Variants in POMT2 observed in about 807,000 individuals in gnomAD.
POMT2 encodes the protein protein O-mannosyltransferase 2.
POMT2 carries 75 observed loss-of-function variants against 100.0 expected under a neutral mutation model. The observed-to-expected ratio is 0.75, with a 90% CI of 0.62 to 0.91. POMT2 has a LOEUF of 0.91. Among genes scored for constraint, POMT2 ranks in the 40% least tolerant of loss-of-function variants. The pLI, the probability that POMT2 is intolerant of heterozygous loss-of-function variation, is 0.00. For synonymous variants in POMT2, 378 were observed against 374.1 expected (o/e 1.01, Z -0.12); for missense variants, 940 against 955.1 (o/e 0.98, Z 0.21).
At chr14:77,280,557 G>A (rs1013512861) in intron 15 of POMT2, 94 bp from the exon 16 acceptor site, 81 of 1,592,182 alleles carry the variant, frequency 5.1e-5, no homozygotes, top group East Asian at 2.2e-4. Context: ...AGGGCCAAGC[G>A]CCGAGCAGAA....
intron 11 of POMT2, chr14:77,287,654 G>A (rs1430832745): frequency 3.3e-5 from 5 of 151,422 alleles, no homozygotes; most frequent in Non-Finnish European, 4.4e-5. Context: ...GCTGTCTGTC[G>A]TTTCAGCTTG....
chr14:77,300,530 T>C lies in POMT2; in HGVS notation c.816+560A>G, dbSNP rs148113474. 639 of 161,168 alleles carry C rather than the reference T, an allele frequency of 4.0e-3. 1 individual carries two copies. Among genetic ancestry groups the C allele is most frequent in the African/African-American group, 9.6e-3 (401 of 41,582 alleles). The allele number at this position is 161,168 out of a possible 1,614,324, so 10.0% of individuals were successfully genotyped here. A position where few individuals can be genotyped will look rare whatever the true frequency, so the allele number is the denominator to read the frequency against. The stretch of plus-strand genomic sequence containing the variant: ...ACCGTGGGTCAGGAAATGAAAATTG[T>C]GAGTTCAGACCGGGCTCGGTGGCTC... On this transcript the variant is annotated intron_variant, in intron 6 of 20. Coordinates refer to ENST00000261534, the MANE Select transcript of POMT2 (RefSeq NM_013382.7).
chr14:77,281,801 C>G (rs764197463), intron 15 of POMT2, among the ~76,000 whole-genome samples: 2 of 152,180 alleles, frequency 1.3e-5, no homozygotes, highest in African/African-American at 4.8e-5. Flanking sequence ...CTCAGTTTCC[C>G]AGCCAAAAAT....
At position 77,299,339 on chromosome 14, in the gene POMT2, C is replaced by T. The variant is rs148873105; in HGVS notation, c.923+116G>A. On this transcript the variant is annotated intron_variant, in intron 7 of 20. Coordinates refer to ENST00000261534, the MANE Select transcript of POMT2 (RefSeq NM_013382.7). ...GCAGGAAAGAAACAGGAAAAAGCCC[C>T]TGGGGTCCCTCACCTATCATTTTAA... 4.9e-4 allele frequency: 441 copies of T among 908,114 alleles called. 2 individuals are homozygous for T. In the African/African-American group the frequency reaches 6.3e-3, roughly 13 times the overall value. The allele number at this position is 908,114 out of a possible 1,614,324, so 56.3% of individuals were successfully genotyped here.
chr14:77,288,464 A>C (rs1890518456), intron 11 of POMT2, among the ~76,000 whole-genome samples: 1 of 151,940 alleles, frequency 6.6e-6, no homozygotes, highest in Non-Finnish European at 1.5e-5. Flanking sequence ...TGAGCCCAGG[A>C]CTCTGAGGCC....
chr14:77,291,564 G>A, intron 9 of POMT2, 184 bp from the exon 10 acceptor site: 1 of 726,194 alleles, frequency 1.4e-6, no homozygotes, highest in Non-Finnish European at 2.3e-6. Context: ...TGGTGAGTGA[G>A]ATTCTCTCCT....
chr14:77,304,806 G>T lies in POMT2; in HGVS notation c.439-6C>A. The T allele has an allele frequency of 6.3e-7, 1 of 1,580,250 alleles. No homozygotes were observed. The highest frequency in any genetic ancestry group is 2.3e-5 in the East Asian group (1 of 43,890). ...GAGCCAAGGAATGCACAGAACTGTG[G>T]GAGGAATAGAGAAGCTGTCAAATAA... On this transcript the variant is annotated splice_polypyrimidine_tract_variant and splice_region_variant and intron_variant, in intron 3 of 20. Transcript: ENST00000261534.
chr14:77,314,283 G>A (rs1324712681), intron 1 of POMT2, among the ~76,000 whole-genome samples: 3 of 152,192 alleles, frequency 2.0e-5, no homozygotes, highest in Admixed American at 2.0e-4. Flanking sequence ...TGTGATGCAA[G>A]CTACTGCATG....
chr14:77,286,425 T>C (rs958016646), intron 12 of POMT2, among the ~76,000 whole-genome samples: 1 of 152,224 alleles, frequency 6.6e-6, no homozygotes, highest in African/African-American at 2.4e-5. Context: ...TGGGGTCATA[T>C]TGTGGGTCCT....
At chr14:77,285,675 A>G in intron 12 of POMT2, 43 bp from the exon 13 acceptor site, 2 of 1,585,580 alleles carry the variant, frequency 1.3e-6, no homozygotes, top group Non-Finnish European at 1.7e-6. Flanking sequence ...AAGTGAGGGG[A>G]CTTTAGAGAA....
In POMT2 at chr14:77,308,908, C is replaced by T. The variant is rs1318558902; in HGVS notation, c.334-2467G>A. On this transcript the variant is annotated intron_variant, in intron 2 of 20. Coordinates refer to ENST00000261534, the MANE Select transcript of POMT2 (RefSeq NM_013382.7). ...TTCACTGCAATATCTTTTGTAATGA[C>T]TAAAAACTGGAAATAACATACATGC... 4 of 334,066 alleles carry T rather than the reference C, an allele frequency of 1.2e-5. No homozygotes were observed. In the Admixed American group the frequency reaches 1.4e-4, roughly 11 times the overall value. 20.7% of individuals were successfully genotyped at this position (334,066 alleles called of 1,614,324 possible). A position where few individuals can be genotyped will look rare whatever the true frequency, so the allele number is the denominator to read the frequency against.
In POMT2 at chr14:77,313,230, T is replaced by C. The variant is rs536710812; in HGVS notation, c.249-1197A>G. ...TACTACATAAGGGGAAAACATGCTT[T>C]ACCTAAGAATCTAAGGTTCTTTTTA... On this transcript the variant is annotated intron_variant, in intron 1 of 20. Coordinates refer to ENST00000261534, the MANE Select transcript of POMT2 (RefSeq NM_013382.7). 1.1e-4 allele frequency among the ~76,000 whole-genome samples: 16 copies of C among 152,372 alleles called. No homozygotes were observed. In the East Asian group the frequency reaches 2.9e-3, roughly 28 times the overall value.
chr14:77,289,170 C>T (rs907904436), intron 10 of POMT2, among the ~76,000 whole-genome samples: 1 of 151,902 alleles, frequency 6.6e-6, no homozygotes, highest in Admixed American at 6.6e-5. Flanking sequence ...GCGGGCAGAA[C>T]ACCTGAGGCC....
intron 5 of POMT2, among the ~76,000 whole-genome samples, chr14:77,301,922 C>G (rs60434542): frequency 0.21 from 31,728 of 152,130 alleles, 3,490 homozygotes; most frequent in South Asian, 0.33. Flanking sequence ...TGGCTGCCTC[C>G]TCTGCCAGAG....
In POMT2 at chr14:77,296,228, GC is replaced by G. The variant is rs754755294; in HGVS notation, c.1051del (p.Ala351ProfsTer47). 6.2e-7 allele frequency: 1 copy of G among 1,609,012 alleles called. No individual in the cohort carries two copies. Among genetic ancestry groups the G allele is most frequent in the Non-Finnish European group, 8.5e-7 (1 of 1,178,202 alleles). ...SVITVKNLRM[A>X]IGYLHSHRHL... ...CCTGTGGGAGTGCAGATAGCCGATGGCCATCCGGAGGTTCTTCACAGTGATC... is the reference window on the plus strand; with the variant it reads ...CCTGTGGGAGTGCAGATAGCCGATGGCATCCGGAGGTTCTTCACAGTGATC... On this transcript the variant is annotated frameshift_variant, in exon 9 of 21. Coordinates refer to ENST00000261534, the MANE Select transcript of POMT2 (RefSeq NM_013382.7). LOFTEE classifies it high-confidence loss of function.
chr14:77,299,933 T>A (rs113604426), intron 6 of POMT2: 19 of 314,066 alleles, frequency 6.0e-5, no homozygotes, highest in African/African-American at 3.5e-4. Flanking sequence ...GCCCAACCCA[T>A]CACATGGCTA....
intron 2 of POMT2, among the ~76,000 whole-genome samples, chr14:77,308,279 T>C (rs1171026934): frequency 6.6e-6 from 1 of 151,772 alleles, no homozygotes; most frequent in Non-Finnish European, 1.5e-5. Flanking sequence ...GAAAAAATGT[T>C]CAACCTAACT....
Position 77,278,489 on chromosome 14 carries a change from G to A in POMT2, c.2052C>T (p.Leu684=). ...SMLTGILWDT[L]LRLCAWGLAS... is the part of the protein sequence containing the mutation. ...CCAAGCCCCAGGCACAGAGCCGCAGGAGGGTGTCCCACAGAATGCCTAGAG... is the reference window on the plus strand; with the variant it reads ...CCAAGCCCCAGGCACAGAGCCGCAGAAGGGTGTCCCACAGAATGCCTAGAG... The change falls in exon 20 of 21, where the codon CTC becomes CTT. Residue 684 remains leucine, a synonymous_variant. Transcript: ENST00000261534. The A allele has an allele frequency of 1.3e-6, 2 of 1,490,072 alleles. No homozygotes were observed. The highest frequency in any genetic ancestry group is 9.1e-7 in the Non-Finnish European group (1 of 1,093,284). The allele number at this position is 1,490,072 out of a possible 1,614,324, so 92.3% of individuals were successfully genotyped here.
At chr14:77,295,575 T>C (rs1890797257) in intron 9 of POMT2, among the ~76,000 whole-genome samples, 1 of 138,468 alleles carries the variant, frequency 7.2e-6, no homozygotes, top group Non-Finnish European at 1.5e-5. Context: ...GAGTTTGCAG[T>C]AAGCTGAGAT....
Sources: gnomAD v4.1 joint callset for allele counts (sites outside exome capture counted in the v4.1 genomes callset) on GRCh38, gnomAD v4.1.1 for gene constraint, MANE v1.5 for transcripts, NCBI Gene and HGNC (gene_info 2026-07-23, HGNC 2026-07-21) for gene names.